The following CSRNP3 variants were observed in gnomAD, a reference collection of about 807,000 sequenced individuals.
CSRNP3 encodes the protein cysteine and serine rich nuclear protein 3, also known as cysteine/serine-rich nuclear protein 3.
Under a neutral mutation model 48.0 loss-of-function variants are expected in CSRNP3, and 12 were observed. That is an observed-to-expected ratio of 0.25 (90% CI 0.16 to 0.41). CSRNP3 has a LOEUF of 0.41. Among genes scored for constraint, CSRNP3 ranks in the 10% least tolerant of loss-of-function variants. The probability of loss-of-function intolerance (pLI) is 1.00; values close to 1 mark genes in which losing one functional copy is unlikely to be tolerated. For missense variants in CSRNP3, 580 were observed against 724.4 expected, an observed-to-expected ratio of 0.80 and a Z score of 2.29; for synonymous variants, 263 against 269.7, an observed-to-expected ratio of 0.98 and a Z score of 0.24.
chr2:165,518,230 T>A (rs1392752200), intron 3 of CSRNP3, among the ~76,000 whole-genome samples: 1 of 151,976 alleles, frequency 6.6e-6, no homozygotes, highest in Non-Finnish European at 1.5e-5. Flanking sequence ...AGCATAAAAA[T>A]AAACATTTGA....
At chr2:165,627,143 A>G (rs151079474) in intron 4 of CSRNP3, among the ~76,000 whole-genome samples, 2 of 152,224 alleles carry the variant, frequency 1.3e-5, no homozygotes, top group East Asian at 1.9e-4. Context: ...ATATTTGACT[A>G]CTATGGAAAC....
chr2:165,652,804 A>T (rs776818756), intron 4 of CSRNP3, among the ~76,000 whole-genome samples: 5 of 152,142 alleles, frequency 3.3e-5, no homozygotes, highest in Non-Finnish European at 5.9e-5. Flanking sequence ...TCAGCCTCCC[A>T]AAATGCTGAG....
At chr2:165,576,519 C>T (rs909684705) in intron 3 of CSRNP3, among the ~76,000 whole-genome samples, 10 of 151,998 alleles carry the variant, frequency 6.6e-5, no homozygotes, top group South Asian at 4.2e-4. Context: ...TTGGAGAAAA[C>T]GTGATAATAG....
At chr2:165,536,465 G>A (rs1684883590) in intron 3 of CSRNP3, among the ~76,000 whole-genome samples, 2 of 151,856 alleles carry the variant, frequency 1.3e-5, no homozygotes, top group South Asian at 4.1e-4. Context: ...AAACATGCTA[G>A]TACTCAATGA....
Position 165,668,401 on chromosome 2 carries a change from C to CTTTT in CSRNP3, c.409-7894_409-7891dup, listed in dbSNP as rs71393687. 4.6e-3 allele frequency among the ~76,000 whole-genome samples: 515 copies of CTTTT among 111,448 alleles called. 2 individuals are homozygous for CTTTT. The highest frequency in any genetic ancestry group is 6.0e-3 in the Non-Finnish European group (340 of 56,740). The allele number at this position is 111,448 out of a possible 152,430, so 73.1% of individuals were successfully genotyped here. On this transcript the variant is annotated intron_variant, in intron 5 of 6. Coordinates refer to ENST00000651982, the MANE Select transcript of CSRNP3 (RefSeq NM_001172173.2). ...AATCATATCCTTTCTTTCTTTCTTT[C>CTTTT]TTTTTTTTTTTTTTTTTTTTGAGAC...
At chr2:165,542,776 T>G (rs1684974644) in intron 3 of CSRNP3, among the ~76,000 whole-genome samples, 1 of 152,202 alleles carries the variant, frequency 6.6e-6, no homozygotes, top group African/African-American at 2.4e-5. Context: ...GAAATTCATC[T>G]TGTATATTCT....
At chr2:165,604,402 A>G (rs185891873) in intron 4 of CSRNP3, among the ~76,000 whole-genome samples, 384 of 152,342 alleles carry the variant, frequency 2.5e-3, no homozygotes, top group Non-Finnish European at 4.3e-3. Context: ...TAAAAAAGAA[A>G]AAAGAGATGC....
chr2:165,476,984 G>A (rs769307197), intron 1 of CSRNP3, among the ~76,000 whole-genome samples: 95 of 152,064 alleles, frequency 6.2e-4, no homozygotes, highest in Admixed American at 1.2e-3. Context: ...TTGCTAGTGG[G>A]TGAAAAAAAA....
chr2:165,657,531 A>G (rs866895824), intron 4 of CSRNP3, among the ~76,000 whole-genome samples: 2 of 152,176 alleles, frequency 1.3e-5, no homozygotes, highest in South Asian at 2.1e-4. Flanking sequence ...TTATACTTAA[A>G]AGCACAGTCT....
chr2:165,606,532 T>C (rs1019027465), intron 4 of CSRNP3, among the ~76,000 whole-genome samples: 1 of 152,070 alleles, frequency 6.6e-6, no homozygotes, highest in African/African-American at 2.4e-5. Context: ...AGCAAAATTT[T>C]AAGGGTTTGA....
chr2:165,524,732 A>G (rs1684710768), intron 3 of CSRNP3, among the ~76,000 whole-genome samples: 1 of 152,314 alleles, frequency 6.6e-6, no homozygotes, highest in Middle Eastern at 3.4e-3. Flanking sequence ...TTCATAATGC[A>G]TTGAGATTCA....
chr2:165,528,995 C>G (rs981329688), intron 3 of CSRNP3, among the ~76,000 whole-genome samples: 10 of 152,264 alleles, frequency 6.6e-5, no homozygotes, highest in Admixed American at 6.5e-4. Flanking sequence ...CCCTGCCCTC[C>G]TGGGTGCAGT....
intron 3 of CSRNP3, among the ~76,000 whole-genome samples, chr2:165,521,235 CAA>C (rs538147264): frequency 6.7e-4 from 101 of 150,642 alleles, no homozygotes; most frequent in Non-Finnish European, 8.7e-4. Flanking sequence ...ATGGGGGAAA[CAA>C]AGACTTCTCA....
At chr2:165,572,545 T>C (rs1478629083) in intron 3 of CSRNP3, 2 of 152,192 alleles carry the variant, frequency 1.3e-5, no homozygotes, top group East Asian at 1.9e-4. Flanking sequence ...TGGATCCTAA[T>C]GAATAAAGAG....
chr2:165,670,884 C>A (rs1239181757), intron 5 of CSRNP3, among the ~76,000 whole-genome samples: 6 of 151,154 alleles, frequency 4.0e-5, no homozygotes, highest in African/African-American at 1.5e-4. Context: ...CTTGGGGAGG[C>A]AACATTATTT....
chr2:165,617,593 C>G (rs1686269733), intron 4 of CSRNP3, among the ~76,000 whole-genome samples: 1 of 152,130 alleles, frequency 6.6e-6, no homozygotes, highest in Admixed American at 6.6e-5. Flanking sequence ...CAGGCTGGGC[C>G]TTGGATCCCT....
At chr2:165,508,856 T>A (rs1475862343) in intron 2 of CSRNP3, among the ~76,000 whole-genome samples, 1 of 152,208 alleles carries the variant, frequency 6.6e-6, no homozygotes, top group East Asian at 1.9e-4. Context: ...CTTTCCCCTA[T>A]GGGTGCTCAT....
chr2:165,674,681 A>AATATATATATATAT lies in CSRNP3; in HGVS notation c.409-1611_409-1598dup, dbSNP rs59117817. Among the ~76,000 whole-genome samples, 849 of 102,998 alleles carry AATATATATATATAT rather than the reference A, an allele frequency of 8.2e-3. 11 individuals carry two copies. Among genetic ancestry groups the AATATATATATATAT allele is most frequent in the African/African-American group, 0.025 (527 of 21,324 alleles). 67.6% of individuals were successfully genotyped at this position (102,998 alleles called of 152,430 possible). ...ATTCATATATATATAAATACTTCTG[A>AATATATATATATAT]ATATATATATATATATATATATATA... On this transcript the variant is annotated intron_variant, in intron 5 of 6. Coordinates refer to ENST00000651982, the MANE Select transcript of CSRNP3 (RefSeq NM_001172173.2).
chr2:165,596,678 A>C (rs1685816303), intron 4 of CSRNP3, among the ~76,000 whole-genome samples: 2 of 152,176 alleles, frequency 1.3e-5, no homozygotes, highest in Admixed American at 6.5e-5. Flanking sequence ...GTATGAAATG[A>C]GCTTGTGCTT....
Sources: gnomAD v4.1 joint callset for allele counts (sites outside exome capture counted in the v4.1 genomes callset) on GRCh38, gnomAD v4.1.1 for gene constraint, MANE v1.5 for transcripts, NCBI Gene and HGNC (gene_info 2026-07-23, HGNC 2026-07-21) for gene names.